Variants in RNF141 observed in about 807,000 individuals in gnomAD.
The protein encoded by RNF141 is C3HC4-like zinc finger protein.
Under a neutral mutation model 27.4 loss-of-function variants are expected in RNF141, and 18 were observed. That is an observed-to-expected ratio of 0.66 (90% CI 0.45 to 0.97). The LOEUF is 0.97. RNF141 is among the 50% of genes least tolerant of loss of function. RNF141 has a pLI of 0.00. For missense variants in RNF141, 230 were observed against 279.4 expected (o/e 0.82, Z 1.26); for synonymous variants, 97 against 96.6 (o/e 1.00, Z -0.02).
intron 1 of RNF141, among the ~76,000 whole-genome samples, chr11:10,538,042 C>T (rs1850053254): frequency 6.6e-6 from 1 of 152,190 alleles, no homozygotes; most frequent in African/African-American, 2.4e-5. Context: ...ACATTACCCA[C>T]CAAAACCATA....
At chr11:10,521,934 C>G (rs1162334654) in intron 4 of RNF141, among the ~76,000 whole-genome samples, 1 of 152,162 alleles carries the variant, frequency 6.6e-6, no homozygotes, top group African/African-American at 2.4e-5. Context: ...AAACTACAAT[C>G]AGTGTATAAT....
intron 3 of RNF141, among the ~76,000 whole-genome samples, chr11:10,529,962 T>A (rs900026818): frequency 2.0e-5 from 3 of 152,134 alleles, no homozygotes; most frequent in African/African-American, 7.2e-5. Context: ...TCTTTATGGG[T>A]CAGTCGGGAA....
chr11:10,520,074 G>A (rs1331572534), intron 4 of RNF141, among the ~76,000 whole-genome samples: 12 of 152,316 alleles, frequency 7.9e-5, no homozygotes, highest in African/African-American at 2.4e-4. Flanking sequence ...CCCGTGGGCC[G>A]TGAGTTGAAC....
rs902275114 is a variant in RNF141, at chr11:10,511,977, T to C, written c.*2939A>G. ...TATTGCACAATTTATCAGTGGGTAC[T>C]AAGAATAACACAGATCCTATTATTC... On this transcript the variant is annotated 3_prime_UTR_variant, in exon 6 of 6. Transcript: ENST00000265981. The C allele has an allele frequency of 2.0e-5, 3 of 152,664 alleles. No individual in the cohort carries two copies. Among genetic ancestry groups the C allele is most frequent in the African/African-American group, 7.2e-5 (3 of 41,468 alleles). 9.5% of individuals were successfully genotyped at this position (152,664 alleles called of 1,614,324 possible). A position where few individuals can be genotyped will look rare whatever the true frequency, so the allele number is the denominator to read the frequency against.
chr11:10,540,358 TA>T (rs1850085017), intron 1 of RNF141, among the ~76,000 whole-genome samples: 1 of 152,224 alleles, frequency 6.6e-6, no homozygotes, highest in Admixed American at 6.5e-5. Context: ...CTACCTTTAA[TA>T]AGGGGCATAG....
intron 1 of RNF141, 168 bp downstream of exon 1, chr11:10,540,954 C>G (rs1001839941): frequency 2.0e-5 from 3 of 152,260 alleles, no homozygotes; most frequent in Admixed American, 6.5e-5. Context: ...CCTCCCCAGC[C>G]GTCCCCACGC....
rs1849817596 is a variant in RNF141, at chr11:10,513,380, A to T, written c.*1536T>A. ...GTGTACCCTGGTTTAGGAAAATAGT[A>T]ATATTTGCAACTTATGAATGATAAG... On this transcript the variant is annotated 3_prime_UTR_variant, in exon 6 of 6. Coordinates refer to ENST00000265981, the MANE Select transcript of RNF141 (RefSeq NM_016422.4). 6.6e-6 allele frequency: 1 copy of T among 152,220 alleles called. No individual in the cohort carries two copies. Among genetic ancestry groups the T allele is most frequent in the Admixed American group, 6.5e-5 (1 of 15,280 alleles). The allele number at this position is 152,220 out of a possible 1,614,324, so 9.4% of individuals were successfully genotyped here.
intron 2 of RNF141, among the ~76,000 whole-genome samples, chr11:10,532,185 G>A (rs1229902572): frequency 2.0e-5 from 3 of 152,172 alleles, no homozygotes; most frequent in African/African-American, 7.2e-5. Flanking sequence ...AATGGTAAAT[G>A]TCATTGATTA....
intron 4 of RNF141, among the ~76,000 whole-genome samples, chr11:10,519,817 G>C (rs1849873039): frequency 6.6e-6 from 1 of 152,186 alleles, no homozygotes; most frequent in South Asian, 2.1e-4. Context: ...TGCGGGCCTG[G>C]AAGTTGCTCT....
At chr11:10,530,884 GATT>G (rs1335148604) in intron 2 of RNF141, 133 bp from the exon 3 acceptor site, 1 of 515,978 alleles carries the variant, frequency 1.9e-6, no homozygotes, top group Non-Finnish European at 3.4e-6. Flanking sequence ...AAATAATAAT[GATT>G]ATAATAACTG....
At chr11:10,537,801 T>A (rs7131507) in intron 1 of RNF141, among the ~76,000 whole-genome samples, 14,349 of 152,188 alleles carry the variant, frequency 0.094, 829 homozygotes, top group South Asian at 0.25. Context: ...AAGATAAGGG[T>A]TACTTTAAGA....
At chr11:10,523,477 A>G (rs1849905928) in intron 4 of RNF141, among the ~76,000 whole-genome samples, 1 of 152,234 alleles carries the variant, frequency 6.6e-6, no homozygotes, top group Non-Finnish European at 1.5e-5. Flanking sequence ...TCACAATTCT[A>G]TACCCTGTAA....
intron 2 of RNF141, chr11:10,532,080 G>A: frequency 7.7e-6 from 3 of 390,542 alleles, no homozygotes; most frequent in East Asian, 9.1e-5. Context: ...GGTTTTATAG[G>A]GTACATTTTA....
intron 5 of RNF141, among the ~76,000 whole-genome samples, chr11:10,518,109 A>G (rs1341348102): frequency 1.3e-5 from 2 of 152,200 alleles, no homozygotes; most frequent in Non-Finnish European, 2.9e-5. Context: ...CTAAATTGAT[A>G]TATTTATTCA....
chr11:10,532,686 G>A (rs553812024), intron 2 of RNF141, among the ~76,000 whole-genome samples: 1 of 152,272 alleles, frequency 6.6e-6, no homozygotes, highest in Non-Finnish European at 1.5e-5. Context: ...CATAAAGACA[G>A]TATATCAAGC....
Position 10,511,691 on chromosome 11 carries a change from A to G in RNF141, c.*3225T>C, listed in dbSNP as rs1849800899. 1 of 152,190 alleles carries G rather than the reference A, an allele frequency of 6.6e-6. No individual in the cohort carries two copies. The highest frequency in any genetic ancestry group is 1.5e-5 in the Non-Finnish European group (1 of 68,038). The allele number at this position is 152,190 out of a possible 1,614,324, so 9.4% of individuals were successfully genotyped here. On this transcript the variant is annotated 3_prime_UTR_variant, in exon 6 of 6. Transcript: ENST00000265981. Reference sequence around the variant, plus strand: ...ATGCAAATTCTTCAGACTACCTTTTAATAAACTCAACTTCCCAATGTTAAA... The same window carrying G: ...ATGCAAATTCTTCAGACTACCTTTTGATAAACTCAACTTCCCAATGTTAAA...
At chr11:10,539,687 C>CATATATATAT (rs1330301830) in intron 1 of RNF141, among the ~76,000 whole-genome samples, 1 of 50,884 alleles carries the variant, frequency 2.0e-5, no homozygotes, top group Non-Finnish European at 3.8e-5. Flanking sequence ...GAAAAAGATA[C>CATATATATAT]ATACATATAT....
chr11:10,531,566 CTT>C (rs147796725), intron 2 of RNF141, among the ~76,000 whole-genome samples: 2 of 152,242 alleles, frequency 1.3e-5, no homozygotes, highest in African/African-American at 4.8e-5. Flanking sequence ...ATTTGAGACA[CTT>C]TATATATAGC....
intron 4 of RNF141, among the ~76,000 whole-genome samples, chr11:10,520,890 T>C (rs1224587488): frequency 6.6e-6 from 1 of 152,250 alleles, no homozygotes; most frequent in Non-Finnish European, 1.5e-5. Context: ...AGGTGATACA[T>C]GACCATATAA....
Sources: gnomAD v4.1 joint callset for allele counts (sites outside exome capture counted in the v4.1 genomes callset) on GRCh38, gnomAD v4.1.1 for gene constraint, MANE v1.5 for transcripts, NCBI Gene and HGNC (gene_info 2026-07-23, HGNC 2026-07-21) for gene names.